Variants in TMEM132D observed in about 807,000 individuals in gnomAD.
TMEM132D encodes mature OL transmembrane protein.
TMEM132D carries 21 observed loss-of-function variants against 62.3 expected under a neutral mutation model. The ratio of observed to expected loss-of-function variants is 0.34; its 90% CI spans 0.24 to 0.49. The LOEUF is 0.49. Among genes scored for constraint, TMEM132D ranks in the 20% least tolerant of loss-of-function variants. The pLI, the probability that TMEM132D is intolerant of heterozygous loss-of-function variation, is 0.99. For missense variants in TMEM132D, 1,346 were observed against 1,402.8 expected, an observed-to-expected ratio of 0.96 and a Z score of 0.65; for synonymous variants, 621 against 575.6, an observed-to-expected ratio of 1.08 and a Z score of -1.13.
intron 1 of TMEM132D, among the ~76,000 whole-genome samples, chr12:129,799,316 C>T (rs11060560): frequency 0.58 from 87,378 of 151,112 alleles, 27,391 homozygotes; most frequent in Non-Finnish European, 0.72. Context: ...TATATATATA[C>T]ACACACATAT....
rs535936229 is a variant in TMEM132D, at chr12:129,588,645, G to A, written c.969-57440C>T. Among the ~76,000 whole-genome samples the A allele has an allele frequency of 9.3e-5, 14 of 151,348 alleles. No homozygotes were observed. In the East Asian group the frequency reaches 2.7e-3, roughly 29 times the overall value. ...GCTGGAGTGCAGTGGCGCCATCTCC[G>A]CCCACTGCAAGCTCCGCCTCCCAGG... On this transcript the variant is annotated intron_variant, in intron 2 of 8. Transcript: ENST00000422113.
At chr12:129,670,946 G>A (rs963199732) in intron 2 of TMEM132D, among the ~76,000 whole-genome samples, 8 of 152,208 alleles carry the variant, frequency 5.3e-5, no homozygotes, top group South Asian at 4.2e-4. Flanking sequence ...GCAGAAGTTC[G>A]CACAATATTT....
chr12:129,275,741 G>GA (rs1422104113), intron 4 of TMEM132D, among the ~76,000 whole-genome samples: 4 of 152,194 alleles, frequency 2.6e-5, no homozygotes, highest in Admixed American at 2.6e-4. Flanking sequence ...TGGAAGCGGG[G>GA]ATCTCACCTG....
chr12:129,785,916 G>A (rs957306095), intron 1 of TMEM132D, among the ~76,000 whole-genome samples: 21 of 152,140 alleles, frequency 1.4e-4, no homozygotes, highest in East Asian at 1.9e-4. Context: ...TTTATCACTC[G>A]AAATAGCAGT....
At chr12:129,305,420 C>G (rs1289362135) in intron 4 of TMEM132D, among the ~76,000 whole-genome samples, 1 of 152,130 alleles carries the variant, frequency 6.6e-6, no homozygotes, top group Admixed American at 6.5e-5. Flanking sequence ...GGCAAAGGAC[C>G]TCATGCCACC....
chr12:129,568,125 C>T (rs560688709), intron 2 of TMEM132D, among the ~76,000 whole-genome samples: 175 of 152,332 alleles, frequency 1.1e-3, no homozygotes, highest in Non-Finnish European at 2.2e-3. Context: ...GTGGCAGGAA[C>T]AGTCTGAGGA....
intron 1 of TMEM132D, among the ~76,000 whole-genome samples, chr12:129,817,781 G>C (rs573749363): frequency 7.8e-6 from 1 of 128,482 alleles, no homozygotes; most frequent in Non-Finnish European, 1.6e-5. Context: ...GTATCTGTGT[G>C]TCTGTGGTTT....
At chr12:129,847,062 G>A (rs994295940) in intron 1 of TMEM132D, among the ~76,000 whole-genome samples, 1 of 152,200 alleles carries the variant, frequency 6.6e-6, no homozygotes, top group Non-Finnish European at 1.5e-5. Context: ...GTTGCAAGCA[G>A]GCAATTAGAG....
intron 2 of TMEM132D, among the ~76,000 whole-genome samples, chr12:129,536,945 C>A (rs1169770773): frequency 6.6e-6 from 1 of 151,988 alleles, no homozygotes; most frequent in South Asian, 2.1e-4. Context: ...TCACCTGAGG[C>A]CGGGAGTTCA....
intron 1 of TMEM132D, among the ~76,000 whole-genome samples, chr12:129,720,224 A>G (rs1868771004): frequency 6.6e-6 from 1 of 152,198 alleles, no homozygotes; most frequent in African/African-American, 2.4e-5. Flanking sequence ...ACACAGCAAC[A>G]TTCCTAGTAA....
chr12:129,408,885 C>T (rs958514297), intron 3 of TMEM132D, among the ~76,000 whole-genome samples: 8 of 152,070 alleles, frequency 5.3e-5, no homozygotes, highest in Non-Finnish European at 7.4e-5. Flanking sequence ...GAGACTGGGA[C>T]ACATACAAAG....
At chr12:129,248,707 C>A (rs745891041) in intron 4 of TMEM132D, among the ~76,000 whole-genome samples, 9 of 152,144 alleles carry the variant, frequency 5.9e-5, no homozygotes, top group Non-Finnish European at 1.0e-4. Flanking sequence ...TGCTCCCCCG[C>A]TCCACCCTCC....
At chr12:129,731,750 C>A (rs528824482) in intron 1 of TMEM132D, among the ~76,000 whole-genome samples, 1 of 152,096 alleles carries the variant, frequency 6.6e-6, no homozygotes, top group Non-Finnish European at 1.5e-5. Context: ...GCAAGCTCCG[C>A]CTCCCGGGTT....
intron 1 of TMEM132D, among the ~76,000 whole-genome samples, chr12:129,784,730 C>T (rs542251538): frequency 6.6e-6 from 1 of 152,296 alleles, no homozygotes; most frequent in South Asian, 2.1e-4. Flanking sequence ...ATTGAAGATC[C>T]ATCCTTTTCT....
chr12:129,614,965 C>T (rs1283600549), intron 2 of TMEM132D, among the ~76,000 whole-genome samples: 1 of 152,318 alleles, frequency 6.6e-6, no homozygotes, highest in East Asian at 1.9e-4. Flanking sequence ...CTGGCCCCTG[C>T]ATTCCGGTAT....
At chr12:129,322,168 G>T (rs1435416089) in intron 4 of TMEM132D, among the ~76,000 whole-genome samples, 1 of 149,262 alleles carries the variant, frequency 6.7e-6, no homozygotes, top group Admixed American at 6.7e-5. Context: ...CTATCCATAC[G>T]TGGGACGAAT....
chr12:129,281,648 C>T (rs1396912804), intron 4 of TMEM132D, among the ~76,000 whole-genome samples: 1 of 152,168 alleles, frequency 6.6e-6, no homozygotes, highest in Non-Finnish European at 1.5e-5. Context: ...CACTGCTTAT[C>T]TGTATTCAGT....
intron 5 of TMEM132D, among the ~76,000 whole-genome samples, chr12:129,097,641 T>C (rs1184655050): frequency 1.3e-5 from 2 of 152,196 alleles, no homozygotes; most frequent in African/African-American, 4.8e-5. Context: ...GGGAAACTCA[T>C]GGAGAAATGT....
chr12:129,555,274 C>A (rs764862264), intron 2 of TMEM132D, among the ~76,000 whole-genome samples: 17 of 152,166 alleles, frequency 1.1e-4, no homozygotes, highest in Non-Finnish European at 1.8e-4. Context: ...ACTTAGCCTA[C>A]AACAGAACAG....
Sources: gnomAD v4.1 joint callset for allele counts (sites outside exome capture counted in the v4.1 genomes callset) on GRCh38, gnomAD v4.1.1 for gene constraint, MANE v1.5 for transcripts, NCBI Gene and HGNC (gene_info 2026-07-23, HGNC 2026-07-21) for gene names.